The following SCFD2 variants were observed in gnomAD, a reference collection of about 807,000 sequenced individuals.
SCFD2 encodes the protein sec1 family domain-containing protein 2.
SCFD2 carries 54 observed loss-of-function variants against 58.9 expected under a neutral mutation model. The observed-to-expected ratio is 0.92, with a 90% CI of 0.74 to 1.15. The LOEUF (loss-of-function observed/expected upper bound fraction) is 1.15. Among genes scored for constraint, SCFD2 ranks in the 50% most tolerant of loss-of-function variants. The pLI is 0.00. For synonymous variants in SCFD2, 321 were observed against 335.9 expected (o/e 0.96, Z 0.49); for missense variants, 805 against 836.6 (o/e 0.96, Z 0.47).
intron 3 of SCFD2, among the ~76,000 whole-genome samples, chr4:53,288,776 A>G (rs1731748200): frequency 6.6e-6 from 1 of 151,876 alleles, no homozygotes; most frequent in South Asian, 2.1e-4. Flanking sequence ...GCTGGAAATG[A>G]AAGGATAATT....
chr4:53,347,162 T>A (rs1734081359), intron 2 of SCFD2, among the ~76,000 whole-genome samples: 1 of 152,216 alleles, frequency 6.6e-6, no homozygotes, highest in Non-Finnish European at 1.5e-5. Context: ...AATGTGAATA[T>A]AGTTTCCCCC....
At chr4:52,895,286 G>A (rs1395727163) in intron 7 of SCFD2, among the ~76,000 whole-genome samples, 2 of 151,882 alleles carry the variant, frequency 1.3e-5, no homozygotes, top group African/African-American at 4.8e-5. Flanking sequence ...TCATCATTTA[G>A]CATTAGGTAT....
At chr4:53,287,473 T>A (rs1731706135) in intron 3 of SCFD2, among the ~76,000 whole-genome samples, 1 of 152,110 alleles carries the variant, frequency 6.6e-6, no homozygotes, top group Non-Finnish European at 1.5e-5. Context: ...ACACCTATAA[T>A]CATCACTGAC....
intron 7 of SCFD2, among the ~76,000 whole-genome samples, chr4:52,894,938 T>C (rs1418763108): frequency 2.0e-5 from 3 of 152,186 alleles, no homozygotes; most frequent in Admixed American, 1.3e-4. Flanking sequence ...TAAAAAACAT[T>C]ATGGAAGAAT....
At chr4:53,316,836 G>A (rs1381684689) in intron 2 of SCFD2, among the ~76,000 whole-genome samples, 31 of 152,074 alleles carry the variant, frequency 2.0e-4, no homozygotes, top group Admixed American at 1.3e-4. Flanking sequence ...TGGGCCGGGC[G>A]CAGTGGCTCA....
intron 5 of SCFD2, among the ~76,000 whole-genome samples, chr4:53,130,418 TG>T (rs1725754648): frequency 6.6e-6 from 1 of 152,196 alleles, no homozygotes; most frequent in African/African-American, 2.4e-5. Context: ...GATATAAACC[TG>T]GTTCTTTAAT....
At chr4:53,284,190 T>C (rs1271577865) in intron 3 of SCFD2, among the ~76,000 whole-genome samples, 5 of 151,866 alleles carry the variant, frequency 3.3e-5, no homozygotes, top group Non-Finnish European at 5.9e-5. Context: ...TAAGTTTCTT[T>C]CATGGCATTT....
At chr4:53,294,128 G>C (rs879736817) in intron 3 of SCFD2, among the ~76,000 whole-genome samples, 1 of 152,108 alleles carries the variant, frequency 6.6e-6, no homozygotes, top group Admixed American at 6.5e-5. Context: ...CTTTACAGTA[G>C]AATAATTTAT....
intron 4 of SCFD2, among the ~76,000 whole-genome samples, chr4:53,266,805 A>AG (rs1247457222): frequency 2.0e-5 from 3 of 152,240 alleles, no homozygotes; most frequent in Non-Finnish European, 2.9e-5. Context: ...GATAAGAGAG[A>AG]GAAAAAAGGA....
rs1725873996 is a variant in SCFD2 at position 53,134,253 on chromosome 4, C to T, written c.1561+11080G>A. 2.0e-5 allele frequency among the ~76,000 whole-genome samples: 3 copies of T among 152,084 alleles called. No individual in the cohort carries two copies. In the South Asian group the frequency reaches 6.2e-4, roughly 32 times the overall value. On this transcript the variant is annotated intron_variant, in intron 5 of 8. Transcript: ENST00000401642. ...GTAAGGTGAAAGAGTAGAACTTATT[C>T]TACTTATTCTGCTGTGCAACATGGT...
At chr4:53,256,169 G>A (rs1367679113) in intron 4 of SCFD2, among the ~76,000 whole-genome samples, 1 of 151,388 alleles carries the variant, frequency 6.6e-6, no homozygotes, top group Non-Finnish European at 1.5e-5. Context: ...CTTCTCAGAC[G>A]GGGCGGCTGC....
intron 4 of SCFD2, among the ~76,000 whole-genome samples, chr4:53,229,361 C>T (rs1484320276): frequency 2.6e-5 from 4 of 152,214 alleles, no homozygotes; most frequent in African/African-American, 4.8e-5. Context: ...AGCTACCTGA[C>T]TTCAAACTAT....
rs536037720 is a variant in SCFD2, at chr4:53,015,530, C to T, written c.1562-94660G>A. Among the ~76,000 whole-genome samples the T allele has an allele frequency of 7.9e-5, 12 of 152,250 alleles. No homozygotes were observed. In the South Asian group the frequency reaches 1.0e-3, roughly 13 times the overall value. On this transcript the variant is annotated intron_variant, in intron 5 of 8. Transcript: ENST00000401642. ...GGAGAAGCAAAATCTCTCAAACGCACGTTGTCAGTCATCAGGCGGTTCAGA... is the reference window on the plus strand; with the variant it reads ...GGAGAAGCAAAATCTCTCAAACGCATGTTGTCAGTCATCAGGCGGTTCAGA...
chr4:53,168,956 GTT>G (rs1727094546), intron 4 of SCFD2, among the ~76,000 whole-genome samples: 1 of 152,144 alleles, frequency 6.6e-6, no homozygotes, highest in Admixed American at 6.5e-5. Flanking sequence ...TATGAGTTCA[GTT>G]ATTTTAGATT....
At chr4:53,288,083 A>G (rs1168562224) in intron 3 of SCFD2, among the ~76,000 whole-genome samples, 2 of 152,012 alleles carry the variant, frequency 1.3e-5, no homozygotes, top group Non-Finnish European at 2.9e-5. Flanking sequence ...CTAAAATAAT[A>G]ATAATAAACT....
At chr4:52,912,526 A>C (rs994975553) in intron 6 of SCFD2, among the ~76,000 whole-genome samples, 12 of 152,176 alleles carry the variant, frequency 7.9e-5, no homozygotes, top group African/African-American at 2.9e-4. Flanking sequence ...GAAAAAAAAA[A>C]CCCTCTAAAT....
At chr4:52,983,770 T>A (rs1052282506) in intron 5 of SCFD2, among the ~76,000 whole-genome samples, 1 of 152,138 alleles carries the variant, frequency 6.6e-6, no homozygotes, top group African/African-American at 2.4e-5. Flanking sequence ...CTGGAAAGAA[T>A]CAAGAGGAAC....
At chr4:53,121,038 T>G (rs945509576) in intron 5 of SCFD2, among the ~76,000 whole-genome samples, 1 of 152,234 alleles carries the variant, frequency 6.6e-6, no homozygotes, top group African/African-American at 2.4e-5. Flanking sequence ...ATCCGGTACT[T>G]GATACATTTC....
chr4:52,983,506 T>G (rs1031373080), intron 5 of SCFD2, among the ~76,000 whole-genome samples: 1 of 152,246 alleles, frequency 6.6e-6, no homozygotes, highest in Non-Finnish European at 1.5e-5. Context: ...TAAATTAAGC[T>G]GCTTGTTGTA....
Sources: allele counts gnomAD v4.1 joint callset (sites outside exome capture counted in the v4.1 genomes callset), GRCh38; gene constraint gnomAD v4.1.1; transcripts MANE v1.5; gene names NCBI Gene and HGNC (gene_info 2026-07-23, HGNC 2026-07-21).